Variants in PANK4 observed in about 807,000 individuals in gnomAD.
PANK4 encodes the protein 4'-phosphopantetheine phosphatase.
In PANK4, 40 loss-of-function variants were observed where a neutral mutation model predicts 87.9. The ratio of observed to expected loss-of-function variants is 0.46; its 90% confidence interval spans 0.35 to 0.59. The LOEUF (loss-of-function observed/expected upper bound fraction) is 0.59. Among genes scored for constraint, PANK4 ranks in the 20% least tolerant of loss-of-function variants. PANK4 has a pLI of 0.00. For synonymous variants in PANK4, 524 were observed against 467.4 expected (o/e 1.12, Z -1.56); for missense variants, 926 against 1,072.3 (o/e 0.86, Z 1.90).
In PANK4 at chr1:2,510,904, G is replaced by A; in HGVS notation, c.1834-122C>T. ...AGACTGGGGGCTTCAGGGCCCCAGA[G>A]ATGCCAGGGATGGGCTGTCCTGCAG... On this transcript the variant is annotated intron_variant, in intron 15 of 18. Transcript: ENST00000378466. The surrounding 1 kb of genome is among the most constrained non-coding windows in gnomAD (Gnocchi z 4.9). The A allele has an allele frequency of 1.5e-6, 1 of 658,992 alleles. No homozygotes were observed. Among genetic ancestry groups the A allele is most frequent in the Non-Finnish European group, 2.7e-6 (1 of 366,764 alleles). 40.8% of individuals were successfully genotyped at this position (658,992 alleles called of 1,614,324 possible). A position where few individuals can be genotyped will look rare whatever the true frequency, so the allele number is the denominator to read the frequency against.
chr1:2,518,198 T>G lies in PANK4; in HGVS notation c.1184A>C (p.Glu395Ala). The G allele has an allele frequency of 1.9e-6, 3 of 1,610,444 alleles. No homozygotes were observed. The highest frequency in any genetic ancestry group is 2.5e-6 in the Non-Finnish European group (3 of 1,179,458). The stretch of plus-strand genomic sequence containing the variant: ...CCGCGCCCGCTGCGCCGGGCCGAGC[T>G]CGGGTGATGCACTCATCAGCCCGGA... ...GSSGLMSASP[E>A]LGPAQRARSG... The change falls in exon 9 of 19, where the codon GAG becomes GCG. Residue 395 changes from glutamate (E) to alanine (A), a missense_variant. By Grantham distance (107) the Glu-to-Ala change is moderately radical (BLOSUM62 -1). Coordinates refer to ENST00000378466, the MANE Select transcript of PANK4 (RefSeq NM_018216.4).
Position 2,520,382 on chromosome 1 carries a change from G to C in PANK4, c.639C>G (p.Gly213=). 6.2e-7 allele frequency: 1 copy of C among 1,612,882 alleles called. No individual in the cohort carries two copies. Among genetic ancestry groups the C allele is most frequent in the Non-Finnish European group, 8.5e-7 (1 of 1,179,952 alleles). ...AGGTGCCGCCTCCAATGGAGCTGCC[G>C]CCGACCCACTCGAACCTGTCCTCCG... ...VETEDRFEWV[G]GSSIGGGTFW... is the part of the protein sequence containing the mutation. Residue 213 remains glycine, a synonymous_variant, in exon 5 of 19, where the codon GGC becomes GGG. Coordinates refer to ENST00000378466, the MANE Select transcript of PANK4 (RefSeq NM_018216.4). The surrounding 1 kb of genome is among the most constrained non-coding windows in gnomAD (Gnocchi z 6.2).
chr1:2,517,578 C>A (rs867239365), intron 9 of PANK4, among the ~76,000 whole-genome samples: 27 of 152,336 alleles, frequency 1.8e-4, no homozygotes, highest in African/African-American at 5.8e-4. Context: ...CCGTGGCTGA[C>A]GCAGGTCCTG....
chr1:2,522,119 C>A, intron 1 of PANK4, among the ~76,000 whole-genome samples: 1 of 152,234 alleles, frequency 6.6e-6, no homozygotes, highest in East Asian at 1.9e-4. Flanking sequence ...CCTTGGTTAT[C>A]CTCACTGCTT....
intron 12 of PANK4, 106 bp from the exon 13 acceptor site, chr1:2,513,145 G>A (rs1049798742): frequency 1.2e-5 from 15 of 1,266,566 alleles, no homozygotes; most frequent in Admixed American, 7.0e-5. Context: ...CAGGATCGAA[G>A]ACTCAGGCCC....
chr1:2,511,275 G>A, intron 15 of PANK4, 63 bp downstream of exon 15: 3 of 1,211,948 alleles, frequency 2.5e-6, no homozygotes, highest in Non-Finnish European at 3.7e-6. Context: ...CCTCCCTCCA[G>A]TGACCACCCC....
intron 13 of PANK4, 24 bp from the exon 14 acceptor site, chr1:2,511,707 A>G: frequency 6.6e-7 from 1 of 1,503,964 alleles, no homozygotes; most frequent in Non-Finnish European, 9.3e-7. Flanking sequence ...GAGAAAAGAA[A>G]ATTAAGACAA....
chr1:2,518,630 G>A, intron 7 of PANK4, 33 bp from the exon 8 acceptor site: 1 of 1,527,200 alleles, frequency 6.5e-7, no homozygotes, highest in Non-Finnish European at 8.9e-7. Context: ...GCTGCTGTTG[G>A]CCCCACACAA....
chr1:2,512,801 G>T, intron 13 of PANK4, 87 bp downstream of exon 13: 2 of 1,388,796 alleles, frequency 1.4e-6, no homozygotes, highest in South Asian at 1.2e-5. Context: ...ACCCCCAAGG[G>T]ACCCGCTCCA....
intron 7 of PANK4, among the ~76,000 whole-genome samples, 189 bp downstream of exon 7, chr1:2,518,954 A>G (rs1557444429): frequency 2.0e-5 from 3 of 152,196 alleles, no homozygotes; most frequent in Admixed American, 6.5e-5. Flanking sequence ...TGATGTACTC[A>G]AACTCAGGTG....
At position 2,510,253 on chromosome 1, in the gene PANK4, G is replaced by A; in HGVS notation, c.1939-96C>T. ...CTTCGAGTGGCTGGGCTGGGTGAGG[G>A]TGCTGTGCCCAGCGGGCCTGGCCAG... On this transcript the variant is annotated intron_variant, in intron 16 of 18. Transcript: ENST00000378466. This position sits in a 1 kb window ranked among gnomAD's most constrained non-coding sequence, Gnocchi z 4.9. 1 of 830,372 alleles carries A rather than the reference G, an allele frequency of 1.2e-6. No individual in the cohort carries two copies. The highest frequency in any genetic ancestry group is 1.5e-5 in the South Asian group (1 of 68,896). The allele number at this position is 830,372 out of a possible 1,614,324, so 51.4% of individuals were successfully genotyped here. A position where few individuals can be genotyped will look rare whatever the true frequency, so the allele number is the denominator to read the frequency against.
intron 1 of PANK4, among the ~76,000 whole-genome samples, chr1:2,525,082 G>C (rs577310648): frequency 6.6e-6 from 1 of 152,152 alleles, no homozygotes; most frequent in Non-Finnish European, 1.5e-5. Context: ...AGGACCTATA[G>C]CTACTTCCAT....
In PANK4 at chr1:2,526,397, TCGCCGGCCCACCGCCGGCGCCCCGCC is replaced by T; in HGVS notation, c.124+41_124+66del. On this transcript the variant is annotated intron_variant, in intron 1 of 18. Transcript: ENST00000378466. ...CCTTCGTCCTTCCCGCCGCCCCCGC[TCGCCGGCCCACCGCCGGCGCCCCGCC>T]CGCCCCCGCAGCCCGCGCCCGGCGC... 2.1e-5 allele frequency: 10 copies of T among 467,382 alleles called. 1 individual carries two copies. Among genetic ancestry groups the T allele is most frequent in the South Asian group, 1.8e-4 (2 of 11,344 alleles). 29.0% of individuals were successfully genotyped at this position (467,382 alleles called of 1,614,324 possible). A position where few individuals can be genotyped will look rare whatever the true frequency, so the allele number is the denominator to read the frequency against.
intron 10 of PANK4, 72 bp from the exon 11 acceptor site, chr1:2,514,538 G>A (rs1643726539): frequency 9.3e-7 from 1 of 1,074,788 alleles, no homozygotes; most frequent in African/African-American, 2.5e-5. Flanking sequence ...GTGACAGCAG[G>A]GGGCTCGGGG....
chr1:2,522,719 G>A (rs1379276927), intron 1 of PANK4, among the ~76,000 whole-genome samples: 1 of 147,780 alleles, frequency 6.8e-6, no homozygotes, highest in Non-Finnish European at 1.5e-5. Context: ...AGAGGGCACT[G>A]TGTGTGTTAT....
chr1:2,519,887 T>C lies in PANK4; in HGVS notation c.767A>G (p.Asp256Gly), dbSNP rs760548919. The change falls in exon 6 of 19, where the codon GAC (aspartate) becomes GGC (glycine). Residue 256 changes from aspartate (D) to glycine (G), a missense_variant. By Grantham distance (94) the Asp-to-Gly change is moderately conservative (BLOSUM62 -1). Transcript: ENST00000378466. This position sits in a 1 kb window ranked among gnomAD's most constrained non-coding sequence, Gnocchi z 8.3. The stretch of plus-strand genomic sequence containing the variant: ...AGTCTGGTGGGCGCCGCCGTAGACG[T>C]CCCGCACCAGCATGTCCACATTGCT... ...QHSNVDMLVRDVYGGAHQTLG... is the reference protein window; with the variant it reads ...QHSNVDMLVRGVYGGAHQTLG... 6.4e-7 allele frequency: 1 copy of C among 1,566,818 alleles called. No homozygotes were observed. Among genetic ancestry groups the C allele is most frequent in the South Asian group, 1.2e-5 (1 of 85,578 alleles).
Position 2,509,799 on chromosome 1 carries a change from G to T in PANK4, c.2108+63C>A. ...GGTGTCCCGCATGCACCTGGGTGCA[G>T]GTGCACGGCACAGAGGGCACAGAGC... is the stretch of plus-strand genomic sequence containing the variant. On this transcript the variant is annotated intron_variant, in intron 18 of 18. Coordinates refer to ENST00000378466, the MANE Select transcript of PANK4 (RefSeq NM_018216.4). This position sits in a 1 kb window ranked among gnomAD's most constrained non-coding sequence, Gnocchi z 4.9. 2 of 1,457,410 alleles carry T rather than the reference G, an allele frequency of 1.4e-6. No individual in the cohort carries two copies. Among genetic ancestry groups the T allele is most frequent in the Non-Finnish European group, 1.9e-6 (2 of 1,045,726 alleles). The allele number at this position is 1,457,410 out of a possible 1,614,324, so 90.3% of individuals were successfully genotyped here. A position where few individuals can be genotyped will look rare whatever the true frequency, so the allele number is the denominator to read the frequency against.
chr1:2,522,479 A>C lies in PANK4; in HGVS notation c.125-679T>G, dbSNP rs192711777. On this transcript the variant is annotated intron_variant, in intron 1 of 18. Coordinates refer to ENST00000378466, the MANE Select transcript of PANK4 (RefSeq NM_018216.4). ...TGCCGCCTGTGATCAAAGGTTGAAT[A>C]AATATCAGGAAATGGAAGGGGCTCT... is the stretch of plus-strand genomic sequence containing the variant. Among the ~76,000 whole-genome samples, 802 of 152,308 alleles carry C rather than the reference A, an allele frequency of 5.3e-3. 2 individuals carry two copies. Among genetic ancestry groups the C allele is most frequent in the Non-Finnish European group, 7.9e-3 (538 of 68,024 alleles).
chr1:2,518,941 T>C (rs1297225616), intron 7 of PANK4, among the ~76,000 whole-genome samples: 1 of 152,192 alleles, frequency 6.6e-6, no homozygotes, highest in Non-Finnish European at 1.5e-5. Context: ...TGCTCATCAC[T>C]GGTGATGTAC....
Sources: allele counts gnomAD v4.1 joint callset (sites outside exome capture counted in the v4.1 genomes callset), GRCh38; gene constraint gnomAD v4.1.1; non-coding constraint Gnocchi (gnomAD v3.1); transcripts MANE v1.5; gene names NCBI Gene and HGNC (gene_info 2026-07-23, HGNC 2026-07-21).